Variants in UNC13C observed in about 807,000 individuals in gnomAD.
UNC13C encodes unc-13 homolog C.
UNC13C carries 174 observed loss-of-function variants against 245.4 expected under a neutral mutation model. That is an observed-to-expected ratio of 0.71 (90% CI 0.63 to 0.80). UNC13C has a LOEUF of 0.80. UNC13C is among the 30% of genes least tolerant of loss of function. UNC13C has a pLI of 0.00. For missense variants in UNC13C, 2,829 were observed against 2,602.9 expected, an observed-to-expected ratio of 1.09 and a Z score of -1.89; for synonymous variants, 992 against 895.1, an observed-to-expected ratio of 1.11 and a Z score of -1.93.
chr15:54,311,202 A>G (rs1051060053), intron 13 of UNC13C, among the ~76,000 whole-genome samples: 2 of 151,764 alleles, frequency 1.3e-5, no homozygotes, highest in African/African-American at 4.8e-5. Context: ...TAAGCTTTTA[A>G]TCTTGGCTGT....
chr15:54,528,709 G>A (rs1363081220), intron 25 of UNC13C, among the ~76,000 whole-genome samples: 1 of 151,818 alleles, frequency 6.6e-6, no homozygotes, highest in Non-Finnish European at 1.5e-5. Flanking sequence ...CCACCCCAAT[G>A]CACTGATTCG....
At chr15:54,086,588 A>T (rs972223348) in intron 2 of UNC13C, among the ~76,000 whole-genome samples, 24 of 152,150 alleles carry the variant, frequency 1.6e-4, no homozygotes, top group Admixed American at 1.0e-3. Flanking sequence ...TAATCTTAAG[A>T]TGAAAGTTCA....
At chr15:54,358,470 A>G (rs1265050745) in intron 17 of UNC13C, among the ~76,000 whole-genome samples, 1 of 152,060 alleles carries the variant, frequency 6.6e-6, no homozygotes, top group Non-Finnish European at 1.5e-5. Flanking sequence ...TGTCATTCCA[A>G]TTATTTGCAT....
At chr15:54,320,707 T>C in intron 13 of UNC13C, 1 of 374,828 alleles carries the variant, frequency 2.7e-6, no homozygotes, top group Admixed American at 3.0e-5. Flanking sequence ...CTGCTAAACT[T>C]TGTTTCCTGG....
intron 4 of UNC13C, among the ~76,000 whole-genome samples, chr15:54,153,836 A>G (rs575078633): frequency 2.6e-4 from 40 of 152,076 alleles, no homozygotes; most frequent in African/African-American, 9.1e-4. Context: ...AAGGTGTGAT[A>G]ATTCATGATT....
chr15:54,403,911 A>G (rs1209552519), intron 18 of UNC13C, among the ~76,000 whole-genome samples: 1 of 152,106 alleles, frequency 6.6e-6, no homozygotes, highest in Non-Finnish European at 1.5e-5. Context: ...AGAGAACCTA[A>G]GTACAAAAGG....
At chr15:54,078,779 C>A (rs569965901) in intron 2 of UNC13C, among the ~76,000 whole-genome samples, 98 of 152,068 alleles carry the variant, frequency 6.4e-4, no homozygotes, top group Middle Eastern at 3.4e-3. Flanking sequence ...AGGCTGCTTC[C>A]TCTGTTAATT....
chr15:54,510,057 T>G (rs1171793003), intron 23 of UNC13C, among the ~76,000 whole-genome samples: 1 of 152,138 alleles, frequency 6.6e-6, no homozygotes, highest in Non-Finnish European at 1.5e-5. Flanking sequence ...GACCTTTATT[T>G]ATAAAGCTAG....
chr15:53,862,371 C>T, the UNC13C span, among the ~76,000 whole-genome samples: 1 of 152,132 alleles, frequency 6.6e-6, no homozygotes, highest in South Asian at 2.1e-4. Context: ...TCAATGCCTA[C>T]ATGTGGGAGT....
chr15:53,935,845 C>T, the UNC13C span, among the ~76,000 whole-genome samples: 28 of 152,176 alleles, frequency 1.8e-4, no homozygotes, highest in East Asian at 3.3e-3. Context: ...CCCATGCCAC[C>T]GGGGTTTTGG....
the UNC13C span, among the ~76,000 whole-genome samples, chr15:53,969,682 C>T: frequency 9.9e-6 from 1 of 100,872 alleles, no homozygotes; most frequent in African/African-American, 4.2e-5. Context: ...AAGGTGCTGT[C>T]TCAAAAAAAA....
At chr15:53,994,055 A>G (rs1894509198) in intron 1 of UNC13C, among the ~76,000 whole-genome samples, 1 of 151,958 alleles carries the variant, frequency 6.6e-6, no homozygotes, top group Non-Finnish European at 1.5e-5. Flanking sequence ...AATTACACCA[A>G]TACTTGGACT....
Position 54,332,101 on chromosome 15 carries a change from C to A in UNC13C, c.4484C>A (p.Ser1495Ter). 3 of 1,573,604 alleles carry A rather than the reference C, an allele frequency of 1.9e-6. No individual in the cohort carries two copies. The South Asian group carries it at 3.5e-5, about 18-fold the overall frequency. The change falls in exon 15 of 33, where the codon TCA becomes TAA. Residue 1495 changes from serine (S) to a stop codon, truncating the protein, a stop_gained. Coordinates refer to ENST00000260323, the MANE Select transcript of UNC13C (RefSeq NM_001080534.3). LOFTEE classifies it high-confidence loss of function. ...CATAACTCTTTGAGGATTGATCTGT[C>A]AAAGTATAGGGTATGTACAAATTTA... Reference protein sequence around the residue: ...QLHNSLRIDLSKYRENFPASN... With the variant: ...QLHNSLRIDL
chr15:54,290,876 A>G (rs2037279012), intron 10 of UNC13C, among the ~76,000 whole-genome samples: 1 of 151,988 alleles, frequency 6.6e-6, no homozygotes, highest in Non-Finnish European at 1.5e-5. Flanking sequence ...ATGCATTAGA[A>G]CTCTGTCTTC....
chr15:54,524,794 G>A (rs1895374687), intron 24 of UNC13C, among the ~76,000 whole-genome samples: 1 of 152,116 alleles, frequency 6.6e-6, no homozygotes, highest in Non-Finnish European at 1.5e-5. Context: ...CTTTTCAATA[G>A]TAGATCAGCT....
upstream of UNC13C, among the ~76,000 whole-genome samples, chr15:53,973,771 T>C (rs1893613220): frequency 6.6e-6 from 1 of 152,190 alleles, no homozygotes; most frequent in Admixed American, 6.5e-5. Context: ...AAAGTATAGA[T>C]GCCGTCCCAC....
chr15:54,481,367 A>T (rs1241270050), intron 19 of UNC13C, among the ~76,000 whole-genome samples: 2 of 151,918 alleles, frequency 1.3e-5, no homozygotes, highest in Non-Finnish European at 2.9e-5. Context: ...GACCCCTGAG[A>T]AACACACTTG....
chr15:54,195,949 A>C (rs1321027738), intron 4 of UNC13C, among the ~76,000 whole-genome samples: 1 of 152,068 alleles, frequency 6.6e-6, no homozygotes. Flanking sequence ...CTTTTTACTG[A>C]CACCTTGAAT....
intron 18 of UNC13C, among the ~76,000 whole-genome samples, chr15:54,407,571 T>A (rs2040322673): frequency 6.6e-6 from 1 of 152,184 alleles, no homozygotes; most frequent in Admixed American, 6.5e-5. Flanking sequence ...TGCATTCTTT[T>A]TATTTTCTAT....
Sources: gnomAD v4.1 joint callset for allele counts (sites outside exome capture counted in the v4.1 genomes callset) on GRCh38, gnomAD v4.1.1 for gene constraint, MANE v1.5 for transcripts, NCBI Gene and HGNC (gene_info 2026-07-23, HGNC 2026-07-21) for gene names.